Variants in RAB11FIP2 observed in about 807,000 individuals in gnomAD.
RAB11FIP2 encodes RAB11 family interacting protein 2, also known as rab11 family-interacting protein 2.
RAB11FIP2 carries 16 observed loss-of-function variants against 40.9 expected under a neutral mutation model. The ratio of observed to expected loss-of-function variants is 0.39; its 90% CI spans 0.26 to 0.59. The LOEUF is 0.59. RAB11FIP2 is among the 20% of genes least tolerant of loss of function. The pLI is 0.53. For missense variants in RAB11FIP2, 532 were observed against 606.2 expected (o/e 0.88, Z 1.28); for synonymous variants, 228 against 213.7 (o/e 1.07, Z -0.58).
At chr10:118,044,090 A>ATT (rs1405034289) in intron 1 of RAB11FIP2, among the ~76,000 whole-genome samples, 9 of 152,220 alleles carry the variant, frequency 5.9e-5, no homozygotes, top group Admixed American at 2.6e-4. Context: ...GAGAATTTCT[A>ATT]TAAGGAGAGA....
chr10:118,017,738 T>C (rs1311969091), intron 3 of RAB11FIP2: 1 of 152,156 alleles, frequency 6.6e-6, no homozygotes, highest in African/African-American at 2.4e-5. Flanking sequence ...ATCCTTGAGA[T>C]TGAACAGTAT....
At chr10:118,016,271 G>C (rs1846218824) in intron 3 of RAB11FIP2, among the ~76,000 whole-genome samples, 1 of 152,174 alleles carries the variant, frequency 6.6e-6, no homozygotes, top group South Asian at 2.1e-4. Context: ...TATTTCAGCA[G>C]AGCTGGGTTG....
At chr10:118,044,964 AT>A (rs958029854) in intron 1 of RAB11FIP2, among the ~76,000 whole-genome samples, 18 of 151,948 alleles carry the variant, frequency 1.2e-4, no homozygotes, top group African/African-American at 3.1e-4. Flanking sequence ...CTAAAAACAT[AT>A]TTTTTTTCAA....
At chr10:118,031,777 A>G (rs1199690871) in intron 3 of RAB11FIP2, among the ~76,000 whole-genome samples, 1 of 152,140 alleles carries the variant, frequency 6.6e-6, no homozygotes, top group Non-Finnish European at 1.5e-5. Context: ...TTAATACTAG[A>G]AATAATATTA....
chr10:118,012,961 GAATT>G (rs971777421), intron 4 of RAB11FIP2, among the ~76,000 whole-genome samples: 4 of 151,976 alleles, frequency 2.6e-5, no homozygotes, highest in Admixed American at 6.6e-5. Flanking sequence ...GAAAATATTA[GAATT>G]ACTACATGAA....
At chr10:118,018,288 T>C (rs1846245352) in intron 3 of RAB11FIP2, 1 of 152,208 alleles carries the variant, frequency 6.6e-6, no homozygotes, top group African/African-American at 2.4e-5. Context: ...AAATAAAATG[T>C]CTCTATTTAT....
intron 4 of RAB11FIP2, among the ~76,000 whole-genome samples, chr10:118,012,632 T>C (rs930474333): frequency 6.6e-6 from 1 of 151,902 alleles, no homozygotes; most frequent in African/African-American, 2.4e-5. Context: ...CAAAAATTAT[T>C]TTTTTAGAGA....
intron 3 of RAB11FIP2, among the ~76,000 whole-genome samples, chr10:118,020,539 C>T (rs1366769180): frequency 2.0e-5 from 3 of 152,150 alleles, no homozygotes; most frequent in African/African-American, 7.2e-5. Context: ...GAGGCACCTC[C>T]AAGAGGATGG....
At chr10:118,028,806 G>A (rs1319477978) in intron 3 of RAB11FIP2, among the ~76,000 whole-genome samples, 2 of 152,060 alleles carry the variant, frequency 1.3e-5, no homozygotes, top group African/African-American at 4.8e-5. Flanking sequence ...ATTTAGTAAT[G>A]TCAATGCTAA....
intron 3 of RAB11FIP2, among the ~76,000 whole-genome samples, chr10:118,020,777 C>T (rs1403224637): frequency 6.6e-6 from 1 of 152,178 alleles, no homozygotes; most frequent in Non-Finnish European, 1.5e-5. Flanking sequence ...TTGAGTGTGT[C>T]ATTTGTTTCC....
chr10:118,020,890 TAGAA>T lies in RAB11FIP2; in HGVS notation c.1266-5784_1266-5781del, dbSNP rs1354200725. 9.2e-5 allele frequency among the ~76,000 whole-genome samples: 14 copies of T among 152,296 alleles called. No homozygotes were observed. In the East Asian group the frequency reaches 1.7e-3, roughly 19 times the overall value. ...ACAAAGGTTTGTTCTATTTCTCTATTAGAAAGAAAGAAAGAACCAAAGAAAAATA... is the reference window on the plus strand; with the variant it reads ...ACAAAGGTTTGTTCTATTTCTCTATTAGAAAGAAAGAACCAAAGAAAAATA... On this transcript the variant is annotated intron_variant, in intron 3 of 4. Transcript: ENST00000355624.
chr10:118,009,426 A>G (rs1355146516), intron 4 of RAB11FIP2, among the ~76,000 whole-genome samples: 2 of 152,204 alleles, frequency 1.3e-5, no homozygotes, highest in South Asian at 2.1e-4. Flanking sequence ...AGTTTTGACT[A>G]TAACTCTAAA....
chr10:118,025,303 A>T (rs1413506480), intron 3 of RAB11FIP2, among the ~76,000 whole-genome samples: 1 of 152,224 alleles, frequency 6.6e-6, no homozygotes, highest in African/African-American at 2.4e-5. Flanking sequence ...GAAAAAAAAT[A>T]AACTATTCAA....
chr10:118,020,030 G>A (rs573481345), intron 3 of RAB11FIP2, among the ~76,000 whole-genome samples: 33 of 152,230 alleles, frequency 2.2e-4, no homozygotes, highest in African/African-American at 7.5e-4. Context: ...GTAACTTTCT[G>A]AGCACTTTAC....
chr10:118,039,943 G>T, intron 2 of RAB11FIP2, 180 bp downstream of exon 2: 1 of 561,196 alleles, frequency 1.8e-6, no homozygotes, highest in Non-Finnish European at 3.1e-6. Flanking sequence ...ATGCAGACAA[G>T]CTCTGCCTTC....
intron 4 of RAB11FIP2, among the ~76,000 whole-genome samples, chr10:118,013,357 T>C (rs1448629851): frequency 1.3e-5 from 2 of 152,062 alleles, no homozygotes; most frequent in Non-Finnish European, 2.9e-5. Context: ...AGTTCTTAAT[T>C]AGGCCTTAAA....
intron 1 of RAB11FIP2, 61 bp from the exon 2 acceptor site, chr10:118,040,626 GT>G: frequency 8.2e-7 from 1 of 1,224,540 alleles, no homozygotes; most frequent in Non-Finnish European, 1.1e-6. Flanking sequence ...ACTGAGTTCT[GT>G]TACATACAAA....
At chr10:118,032,412 C>CGT (rs780686995) in intron 3 of RAB11FIP2, among the ~76,000 whole-genome samples, 2 of 148,732 alleles carry the variant, frequency 1.3e-5, no homozygotes, top group Non-Finnish European at 3.0e-5. Context: ...TGCGTGCGTG[C>CGT]GTGTGTGTGT....
rs1422518636 is a variant in RAB11FIP2, at chr10:118,007,825, T to C, written c.*1173A>G. 6.6e-6 allele frequency: 1 copy of C among 152,396 alleles called. No homozygotes were observed. The highest frequency in any genetic ancestry group is 1.5e-5 in the Non-Finnish European group (1 of 67,986). The allele number at this position is 152,396 out of a possible 1,614,324, so 9.4% of individuals were successfully genotyped here. A position where few individuals can be genotyped will look rare whatever the true frequency, so the allele number is the denominator to read the frequency against. ...TAAATCAATTCTTAAAGGGTGGATG[T>C]GGAGTAATGCATAATGTCACGCTCG... On this transcript the variant is annotated 3_prime_UTR_variant, in exon 5 of 5. Transcript: ENST00000355624.
Sources: gnomAD v4.1 joint callset for allele counts (sites outside exome capture counted in the v4.1 genomes callset) on GRCh38, gnomAD v4.1.1 for gene constraint, MANE v1.5 for transcripts, NCBI Gene and HGNC (gene_info 2026-07-23, HGNC 2026-07-21) for gene names.